The following TUT4 variants were observed in gnomAD, a reference collection of about 807,000 sequenced individuals.
TUT4 encodes the protein terminal uridylyl transferase 4.
A neutral mutation model predicts 192.2 loss-of-function variants in TUT4; 36 were observed. That is an observed-to-expected ratio of 0.19 (90% CI 0.14 to 0.25). TUT4 has a LOEUF of 0.25. Among genes scored for constraint, TUT4 ranks in the 10% least tolerant of loss-of-function variants. The pLI is 1.00. For missense variants in TUT4, 1,493 were observed against 1,957.2 expected, an observed-to-expected ratio of 0.76 and a Z score of 4.47; for synonymous variants, 618 against 666.0, an observed-to-expected ratio of 0.93 and a Z score of 1.11.
At chr1:52,519,319 C>T (rs1411194788) in intron 2 of TUT4, among the ~76,000 whole-genome samples, 1 of 151,998 alleles carries the variant, frequency 6.6e-6, no homozygotes, top group Non-Finnish European at 1.5e-5. Flanking sequence ...ATAGGTACAT[C>T]TAAAGAGAAA....
rs968212688 is a variant in TUT4 at position 52,423,420 on chromosome 1, TA to T, written c.*514del. Reference sequence around the variant, plus strand: ...GAATCTTCATGTTGTAATTTTATTTTATTTTTTTACCTTTTAAAAAGTTTTT... The same window carrying T: ...GAATCTTCATGTTGTAATTTTATTTTTTTTTTTACCTTTTAAAAAGTTTTT... On this transcript the variant is annotated 3_prime_UTR_variant, in exon 30 of 30. Coordinates refer to ENST00000257177, the MANE Select transcript of TUT4 (RefSeq NM_001009881.3). 1.3e-5 allele frequency: 2 copies of T among 153,780 alleles called. No homozygotes were observed. Among genetic ancestry groups the T allele is most frequent in the African/African-American group, 4.8e-5 (2 of 41,470 alleles). 9.5% of individuals were successfully genotyped at this position (153,780 alleles called of 1,614,324 possible). A position where few individuals can be genotyped will look rare whatever the true frequency, so the allele number is the denominator to read the frequency against.
chr1:52,480,512 TACAG>T (rs1478017623), intron 11 of TUT4, among the ~76,000 whole-genome samples: 5 of 152,094 alleles, frequency 3.3e-5, no homozygotes, highest in African/African-American at 1.2e-4. Flanking sequence ...AAATAGTAAA[TACAG>T]ACATTTCTTT....
chr1:52,448,849 C>CTT (rs1055503938), intron 20 of TUT4, among the ~76,000 whole-genome samples: 10 of 152,138 alleles, frequency 6.6e-5, no homozygotes, highest in African/African-American at 2.4e-4. Flanking sequence ...CAATCCAACT[C>CTT]TTTAGATCAT....
At chr1:52,537,358 C>T (rs1019546221) in intron 1 of TUT4, among the ~76,000 whole-genome samples, 4 of 151,948 alleles carry the variant, frequency 2.6e-5, no homozygotes, top group Non-Finnish European at 4.4e-5. Flanking sequence ...TAAAATAACA[C>T]TTTAAGTCAA....
At chr1:52,490,909 G>A (rs928502628) in intron 7 of TUT4, 108 bp from the exon 8 acceptor site, 2 of 913,490 alleles carry the variant, frequency 2.2e-6, no homozygotes, top group Admixed American at 2.8e-5. Context: ...CATTGCTTCT[G>A]TGGGATAATC....
chr1:52,459,061 A>T (rs1661749661), intron 19 of TUT4, among the ~76,000 whole-genome samples: 1 of 152,190 alleles, frequency 6.6e-6, no homozygotes, highest in African/African-American at 2.4e-5. Context: ...TAGGATAAAC[A>T]TCTTTTTTAA....
intron 4 of TUT4, among the ~76,000 whole-genome samples, chr1:52,502,727 G>A (rs1433163043): frequency 6.9e-6 from 1 of 144,584 alleles, no homozygotes; most frequent in African/African-American, 2.6e-5. Context: ...AGATACAAGC[G>A]CTCCTCCACC....
chr1:52,520,144 A>T (rs1327982257), intron 2 of TUT4, among the ~76,000 whole-genome samples: 1 of 152,218 alleles, frequency 6.6e-6, no homozygotes, highest in Admixed American at 6.5e-5. Context: ...TCAGTTGAGG[A>T]AATTCAAGAA....
In TUT4 at chr1:52,493,647, G is replaced by A. The variant is rs779299022; in HGVS notation, c.1282C>T (p.Leu428Phe). The change falls in exon 7 of 30, where the codon CTT becomes TTT. Residue 428 changes from leucine (L) to phenylalanine (F), a missense_variant. By Grantham distance (22) the Leu-to-Phe change is conservative. This residue lies in a region of TUT4 where 437 missense variants were observed against 577.6 expected (regional missense o/e 0.76). Coordinates refer to ENST00000257177, the MANE Select transcript of TUT4 (RefSeq NM_001009881.3). ...KFPPKMNHPD[L>F]LIKVLGILKK... Reference sequence around the variant, plus strand: ...AAAATCCCAAGTACTTTTATCAGAAGATCTGGATGATTCATCTAAAAAAGT... The same window carrying A: ...AAAATCCCAAGTACTTTTATCAGAAAATCTGGATGATTCATCTAAAAAAGT... 1.3e-6 allele frequency: 2 copies of A among 1,500,502 alleles called. No individual in the cohort carries two copies. The highest frequency in any genetic ancestry group is 1.8e-6 in the Non-Finnish European group (2 of 1,105,686). The allele number at this position is 1,500,502 out of a possible 1,614,324, so 92.9% of individuals were successfully genotyped here.
chr1:52,542,020 A>T (rs1686830026), intron 1 of TUT4, among the ~76,000 whole-genome samples: 1 of 152,224 alleles, frequency 6.6e-6, no homozygotes, highest in Non-Finnish European at 1.5e-5. Flanking sequence ...TGCCTTAAAA[A>T]GGTAGACAAT....
intron 7 of TUT4, among the ~76,000 whole-genome samples, chr1:52,493,013 A>T (rs2149105333): frequency 6.6e-6 from 1 of 152,332 alleles, no homozygotes; most frequent in East Asian, 1.9e-4. Flanking sequence ...TACATAAGAA[A>T]TGCCCATAAT....
chr1:52,517,658 C>T (rs1265481729), intron 2 of TUT4, among the ~76,000 whole-genome samples: 1 of 152,158 alleles, frequency 6.6e-6, no homozygotes, highest in Non-Finnish European at 1.5e-5. Flanking sequence ...GGCTAGGTTA[C>T]ATAAGTGTTT....
chr1:52,547,610 G>A (rs1688413273), intron 1 of TUT4, among the ~76,000 whole-genome samples: 1 of 152,152 alleles, frequency 6.6e-6, no homozygotes, highest in Admixed American at 6.5e-5. Flanking sequence ...TAGGCAAAAA[G>A]TAGAAATAAC....
intron 20 of TUT4, among the ~76,000 whole-genome samples, chr1:52,456,276 A>T (rs1199419556): frequency 6.6e-6 from 1 of 151,830 alleles, no homozygotes; most frequent in Non-Finnish European, 1.5e-5. Flanking sequence ...GGTGGTGCAC[A>T]CCTGTAATCC....
chr1:52,444,238 A>G (rs536263843), intron 24 of TUT4, among the ~76,000 whole-genome samples: 1 of 152,360 alleles, frequency 6.6e-6, no homozygotes, highest in South Asian at 2.1e-4. Context: ...GTCTCAAAAA[A>G]AGAAAAAAAA....
intron 4 of TUT4, among the ~76,000 whole-genome samples, chr1:52,498,641 C>G (rs937401993): frequency 4.0e-5 from 6 of 151,524 alleles, no homozygotes; most frequent in African/African-American, 1.5e-4. Context: ...AATCCCAACA[C>G]TTTGGGAGGC....
At chr1:52,464,605 G>C (rs187877318) in intron 16 of TUT4, among the ~76,000 whole-genome samples, 76 of 151,890 alleles carry the variant, frequency 5.0e-4, no homozygotes, top group Admixed American at 1.8e-3. Flanking sequence ...TTATGTGAGT[G>C]GTCAAAAATT....
intron 4 of TUT4, among the ~76,000 whole-genome samples, chr1:52,500,959 C>T (rs752697844): frequency 4.7e-4 from 71 of 151,960 alleles, no homozygotes; most frequent in Non-Finnish European, 7.5e-4. Context: ...AAAACCTACA[C>T]TTATAGCTAT....
In TUT4 at chr1:52,446,222, CA is replaced by C. The variant is rs761002265; in HGVS notation, c.3691+42del. On this transcript the variant is annotated intron_variant, in intron 22 of 29. Coordinates refer to ENST00000257177, the MANE Select transcript of TUT4 (RefSeq NM_001009881.3). ...CAGTTTTCCCCTCAATTTCGTTGAC[CA>C]AATTTTGGTTGCTCCTGAATTAATA... The C allele has an allele frequency of 1.3e-3, 2,087 of 1,563,216 alleles. 3 individuals carry two copies. The highest frequency in any genetic ancestry group is 1.7e-3 in the Non-Finnish European group (2,014 of 1,157,952).
Sources: allele counts gnomAD v4.1 joint callset (sites outside exome capture counted in the v4.1 genomes callset), GRCh38; gene constraint gnomAD v4.1.1; regional missense constraint gnomAD v4.1.1; transcripts MANE v1.5; gene names NCBI Gene and HGNC (gene_info 2026-07-23, HGNC 2026-07-21).